The following RASSF6 variants were observed in gnomAD, a reference collection of about 807,000 sequenced individuals.
The protein encoded by RASSF6 is Ras association domain family member 6.
RASSF6 carries 52 observed loss-of-function variants against 44.0 expected under a neutral mutation model. The ratio of observed to expected loss-of-function variants is 1.18; its 90% CI spans 0.95 to 1.49. The LOEUF is 1.49. RASSF6 is among the 40% of genes most tolerant of loss of function. RASSF6 has a pLI of 0.00. For synonymous variants in RASSF6, 162 were observed against 124.6 expected, an observed-to-expected ratio of 1.30 and a Z score of -2.00; for missense variants, 464 against 393.3, an observed-to-expected ratio of 1.18 and a Z score of -1.52.
At chr4:73,606,644 T>G (rs201904761) in intron 2 of RASSF6, among the ~76,000 whole-genome samples, 3 of 39,548 alleles carry the variant, frequency 7.6e-5, no homozygotes, top group African/African-American at 1.4e-4. Context: ...TTATAGTTTT[T>G]TTTTTTTTTT....
At chr4:73,579,882 A>T (rs1474734644) in intron 8 of RASSF6, among the ~76,000 whole-genome samples, 1 of 151,416 alleles carries the variant, frequency 6.6e-6, no homozygotes, top group African/African-American at 2.4e-5. Flanking sequence ...TATTTTTATT[A>T]TTATTATACT....
At chr4:73,577,773 T>A (rs1200095496) in intron 8 of RASSF6, among the ~76,000 whole-genome samples, 3 of 152,192 alleles carry the variant, frequency 2.0e-5, no homozygotes, top group Non-Finnish European at 2.9e-5. Flanking sequence ...TCTTGCTTCA[T>A]GATTCTGCTT....
intron 4 of RASSF6, among the ~76,000 whole-genome samples, chr4:73,588,968 T>C (rs941624149): frequency 6.6e-6 from 1 of 152,116 alleles, no homozygotes; most frequent in African/African-American, 2.4e-5. Flanking sequence ...TATTCACTTA[T>C]AGGGAATTTA....
chr4:73,578,332 A>T (rs1468836387), intron 8 of RASSF6, among the ~76,000 whole-genome samples: 1 of 152,186 alleles, frequency 6.6e-6, no homozygotes, highest in East Asian at 1.9e-4. Flanking sequence ...AACACCAAAG[A>T]GGGAATTTTC....
At chr4:73,600,167 T>C (rs1303838411) in intron 2 of RASSF6, among the ~76,000 whole-genome samples, 1 of 152,202 alleles carries the variant, frequency 6.6e-6, no homozygotes, top group African/African-American at 2.4e-5. Flanking sequence ...TCAACTTCTA[T>C]ATATTTTACT....
intron 5 of RASSF6, 50 bp downstream of exon 5, chr4:73,587,790 T>C (rs1048772040): frequency 1.1e-5 from 13 of 1,139,302 alleles, no homozygotes; most frequent in Middle Eastern, 1.9e-4. Context: ...AGTCATACTT[T>C]ACACTAATTA....
intron 2 of RASSF6, among the ~76,000 whole-genome samples, chr4:73,609,840 C>T (rs1483024202): frequency 2.0e-5 from 3 of 152,060 alleles, no homozygotes; most frequent in Admixed American, 2.0e-4. Context: ...CCCCTAGCTC[C>T]AGGAATTTTG....
At position 73,620,421 on chromosome 4, in the gene RASSF6, A is replaced by T; in HGVS notation, c.-168T>A. On this transcript the variant is annotated 5_prime_UTR_variant, in exon 1 of 11. Transcript: ENST00000307439. ...AGTGCCCTGTCTCTGCCGGGCTGGG[A>T]CTCCGCGAGTCACTCACCTGTAGGG... 6.5e-7 allele frequency: 1 copy of T among 1,540,434 alleles called. No individual in the cohort carries two copies. The highest frequency in any genetic ancestry group is 8.8e-7 in the Non-Finnish European group (1 of 1,142,594).
intron 8 of RASSF6, 39 bp from the exon 9 acceptor site, chr4:73,576,770 A>G (rs1202495583): frequency 1.7e-6 from 2 of 1,191,352 alleles, no homozygotes; most frequent in Admixed American, 2.3e-5. Flanking sequence ...TCAGAAGTTC[A>G]TGCTGCAGGA....
At chr4:73,607,657 A>G (rs894072225) in intron 2 of RASSF6, among the ~76,000 whole-genome samples, 1 of 152,192 alleles carries the variant, frequency 6.6e-6, no homozygotes, top group East Asian at 1.9e-4. Flanking sequence ...GAACTTAGAC[A>G]TGCAAATATT....
intron 2 of RASSF6, among the ~76,000 whole-genome samples, chr4:73,602,209 G>C (rs1047893402): frequency 2.0e-5 from 3 of 152,182 alleles, no homozygotes; most frequent in African/African-American, 7.2e-5. Context: ...CACTTCGCAG[G>C]CAATGGGCAG....
In RASSF6 at chr4:73,578,638, CT is replaced by C. The variant is rs34373374; in HGVS notation, c.722-1908del. ...CACCTTTAAACAAATCATTTTTTCT[CT>C]TTTTTTTTTTTTTAGACGGAGTGCA... On this transcript the variant is annotated intron_variant, in intron 8 of 10. Transcript: ENST00000307439. Among the ~76,000 whole-genome samples, 667 of 143,406 alleles carry C rather than the reference CT, an allele frequency of 4.7e-3. 4 individuals are homozygous for C. Among genetic ancestry groups the C allele is most frequent in the South Asian group, 0.023 (102 of 4,490 alleles). The allele number at this position is 143,406 out of a possible 152,430, so 94.1% of individuals were successfully genotyped here.
chr4:73,615,242 A>G (rs540140864), intron 1 of RASSF6, among the ~76,000 whole-genome samples: 5 of 152,032 alleles, frequency 3.3e-5, no homozygotes, highest in Admixed American at 1.3e-4. Context: ...TGAGGCATAG[A>G]TCTATGAATT....
intron 2 of RASSF6, among the ~76,000 whole-genome samples, chr4:73,611,086 C>CT (rs967938152): frequency 1.8e-4 from 28 of 152,102 alleles, no homozygotes; most frequent in African/African-American, 6.5e-4. Flanking sequence ...ATTTATTTGG[C>CT]TTTTTTCCTT....
intron 1 of RASSF6, among the ~76,000 whole-genome samples, chr4:73,615,086 C>T (rs1047545057): frequency 6.3e-5 from 9 of 142,716 alleles, no homozygotes; most frequent in African/African-American, 1.8e-4. Flanking sequence ...GGCTGAGGCC[C>T]GAGAATCACT....
intron 1 of RASSF6, among the ~76,000 whole-genome samples, chr4:73,613,910 C>A (rs770381215): frequency 2.6e-5 from 4 of 152,100 alleles, no homozygotes; most frequent in African/African-American, 9.7e-5. Context: ...TCCAGGTAAT[C>A]GAATCTGTCT....
intron 4 of RASSF6, among the ~76,000 whole-genome samples, chr4:73,589,911 G>A (rs75495477): frequency 0.064 from 9,788 of 152,178 alleles, 444 homozygotes; most frequent in East Asian, 0.2. Context: ...TACCCATACT[G>A]TAAGTAAAAA....
chr4:73,595,364 T>C (rs1418612558), intron 3 of RASSF6, among the ~76,000 whole-genome samples: 1 of 152,064 alleles, frequency 6.6e-6, no homozygotes, highest in Non-Finnish European at 1.5e-5. Flanking sequence ...TGGGTAATTT[T>C]TGTATTTCTT....
intron 1 of RASSF6, 134 bp downstream of exon 1, chr4:73,620,154 G>T: frequency 6.7e-6 from 3 of 448,260 alleles, no homozygotes; most frequent in Non-Finnish European, 1.1e-5. Context: ...GAAAAGGCAT[G>T]TGTGCGATTC....
Sources: gnomAD v4.1 joint callset for allele counts (sites outside exome capture counted in the v4.1 genomes callset) on GRCh38, gnomAD v4.1.1 for gene constraint, MANE v1.5 for transcripts, NCBI Gene and HGNC (gene_info 2026-07-23, HGNC 2026-07-21) for gene names.